P2RX3: variants seen among roughly 807,000 people sequenced by gnomAD.
The protein encoded by P2RX3 is purinergic receptor P2X 3, also known as P2X purinoceptor 3.
P2RX3 carries 41 observed loss-of-function variants against 51.5 expected under a neutral mutation model. That is an observed-to-expected ratio of 0.80 (90% CI 0.62 to 1.03). The LOEUF (loss-of-function observed/expected upper bound fraction) is 1.03. Among genes scored for constraint, P2RX3 ranks in the 50% least tolerant of loss-of-function variants. The pLI, the probability that P2RX3 is intolerant of heterozygous loss-of-function variation, is 0.00. For synonymous variants in P2RX3, 185 were observed against 191.6 expected (o/e 0.97, Z 0.29); for missense variants, 459 against 522.1 (o/e 0.88, Z 1.18).
At chr11:57,356,217 T>A (rs541827341) in intron 8 of P2RX3, among the ~76,000 whole-genome samples, 1 of 152,186 alleles carries the variant, frequency 6.6e-6, no homozygotes, top group African/African-American at 2.4e-5. Context: ...ACATCAGGAC[T>A]CAAACCCAGG....
At chr11:57,347,255 G>A in intron 3 of P2RX3, 68 bp downstream of exon 3, 1 of 1,557,270 alleles carries the variant, frequency 6.4e-7, no homozygotes, top group South Asian at 1.1e-5. Context: ...TGGGAGCAGT[G>A]GCAGGGAGGT....
intron 8 of P2RX3, among the ~76,000 whole-genome samples, chr11:57,356,305 T>G (rs1291323541): frequency 1.3e-5 from 2 of 152,080 alleles, no homozygotes; most frequent in African/African-American, 4.8e-5. Context: ...AAAAAATAGC[T>G]CTAAGAGATA....
chr11:57,339,443 C>G (rs1027049706), intron 1 of P2RX3, among the ~76,000 whole-genome samples: 20 of 152,214 alleles, frequency 1.3e-4, no homozygotes, highest in African/African-American at 4.6e-4. Context: ...TGCCATGTAA[C>G]CCATCCTAGG....
upstream of P2RX3, among the ~76,000 whole-genome samples, chr11:57,336,427 G>C (rs1856222867): frequency 8.5e-5 from 13 of 152,186 alleles, no homozygotes; most frequent in Admixed American, 8.5e-4. Flanking sequence ...CCTGGTGTCA[G>C]ATTCACCTTG....
Position 57,369,967 on chromosome 11 carries a change from C to T in P2RX3, c.1164C>T (p.Thr388=), listed in dbSNP as rs142475536. The T allele has an allele frequency of 1.9e-4, 312 of 1,613,906 alleles. 1 individual carries two copies. The Middle Eastern group carries it at 5.9e-3, about 31-fold the overall frequency. ...SDQTTAEKQS[T]DSGAFSIGH ...AGACCACAGCGGAGAAGCAGTCCAC[C>T]GATTCGGGGGCCTTCTCCATAGGCC... is the stretch of plus-strand genomic sequence containing the variant. The change falls in exon 12 of 12, where the codon ACC becomes ACT. Residue 388 remains threonine, a synonymous_variant. Transcript: ENST00000263314.
At chr11:57,348,428 A>T (rs1490668110) in intron 5 of P2RX3, 165 bp downstream of exon 5, 1 of 739,842 alleles carries the variant, frequency 1.4e-6, no homozygotes, top group Non-Finnish European at 2.2e-6. Context: ...CATCTTCCCC[A>T]GCCCACCCAC....
intron 8 of P2RX3, among the ~76,000 whole-genome samples, chr11:57,358,894 C>A (rs1175556078): frequency 6.6e-6 from 1 of 152,190 alleles, no homozygotes; most frequent in African/African-American, 2.4e-5. Context: ...CACTCACACA[C>A]ACACGCACTC....
chr11:57,349,414 C>T (rs1161925768), intron 6 of P2RX3, among the ~76,000 whole-genome samples: 3 of 151,608 alleles, frequency 2.0e-5, no homozygotes, highest in African/African-American at 7.3e-5. Flanking sequence ...TGCAGTGAGC[C>T]GAGATCATGC....
chr11:57,350,989 AC>A (rs3832768), intron 8 of P2RX3, 91 bp downstream of exon 8: 22 of 1,548,580 alleles, frequency 1.4e-5, no homozygotes, highest in South Asian at 1.1e-4. Flanking sequence ...ACATCCATCC[AC>A]CCACCCCTGG....
chr11:57,346,459 T>C (rs1856432972), intron 1 of P2RX3, 85 bp from the exon 2 acceptor site: 1 of 1,531,998 alleles, frequency 6.5e-7, no homozygotes, highest in Non-Finnish European at 8.9e-7. Context: ...GGCCAAGTGT[T>C]GGCAGGAAGG....
intron 1 of P2RX3, among the ~76,000 whole-genome samples, chr11:57,338,970 C>T (rs1299318047): frequency 1.3e-5 from 2 of 152,182 alleles, no homozygotes; most frequent in Admixed American, 1.3e-4. Context: ...GGCTCAGGAG[C>T]TCCATCTCCA....
upstream of P2RX3, among the ~76,000 whole-genome samples, chr11:57,336,478 G>A (rs1011260216): frequency 7.2e-5 from 11 of 152,200 alleles, no homozygotes; most frequent in African/African-American, 2.7e-4. Flanking sequence ...CTGTGGTTGC[G>A]GAAGCCAGGT....
In P2RX3 at chr11:57,346,644, GTCA is replaced by G. The variant is rs761026425; in HGVS notation, c.222_224del (p.Met75del). 6 of 1,614,170 alleles carry G rather than the reference GTCA, an allele frequency of 3.7e-6. No individual in the cohort carries two copies. The Admixed American group carries it at 1.0e-4, about 27-fold the overall frequency. On this transcript the variant is annotated inframe_deletion, in exon 2 of 12. Coordinates refer to ENST00000263314, the MANE Select transcript of P2RX3 (RefSeq NM_002559.5). The stretch of plus-strand genomic sequence containing the variant: ...GGGCTCCGGACTCTACGCCAACAGA[GTCA>G]TGGATGTGTCTGATTACGTGACGCC...
Position 57,370,715 on chromosome 11 carries a change from T to A in P2RX3, c.*718T>A, listed in dbSNP as rs1396822171. The A allele has an allele frequency of 6.6e-6, 1 of 152,256 alleles. No individual in the cohort carries two copies. The highest frequency in any genetic ancestry group is 2.4e-5 in the African/African-American group (1 of 41,458). 9.4% of individuals were successfully genotyped at this position (152,256 alleles called of 1,614,324 possible). On this transcript the variant is annotated 3_prime_UTR_variant, in exon 12 of 12. Transcript: ENST00000263314. ...TTTAGAAGGAAACAGAAGGCATGGC[T>A]GTCAGTGAATTTTTCCTCATCACTC...
chr11:57,342,282 C>G (rs978112125), intron 1 of P2RX3, among the ~76,000 whole-genome samples: 1 of 151,734 alleles, frequency 6.6e-6, no homozygotes, highest in Non-Finnish European at 1.5e-5. Flanking sequence ...GCCTCAGCCT[C>G]CCCGGTAGCT....
chr11:57,347,379 G>A, intron 3 of P2RX3, 36 bp from the exon 4 acceptor site: 1 of 1,553,050 alleles, frequency 6.4e-7, no homozygotes, highest in Non-Finnish European at 8.7e-7. Context: ...GGCCAGGACA[G>A]TGTCCTTCAC....
chr11:57,361,559 T>C (rs1166149306), intron 8 of P2RX3, among the ~76,000 whole-genome samples: 2 of 152,200 alleles, frequency 1.3e-5, no homozygotes, highest in African/African-American at 4.8e-5. Flanking sequence ...TTTTCTGTTC[T>C]TGTGTTAGTT....
At chr11:57,368,152 C>A in intron 9 of P2RX3, 50 bp downstream of exon 9, 1 of 1,566,760 alleles carries the variant, frequency 6.4e-7, no homozygotes, top group Non-Finnish European at 8.8e-7. Context: ...GCAGCCCAGA[C>A]CACCTCTCGG....
At chr11:57,352,447 T>A (rs189722819) in intron 8 of P2RX3, among the ~76,000 whole-genome samples, 30 of 152,336 alleles carry the variant, frequency 2.0e-4, no homozygotes, top group African/African-American at 7.2e-4. Flanking sequence ...AAAGGATATT[T>A]GTATGGTGGC....
Sources: allele counts gnomAD v4.1 joint callset (sites outside exome capture counted in the v4.1 genomes callset), GRCh38; gene constraint gnomAD v4.1.1; transcripts MANE v1.5; gene names NCBI Gene and HGNC (gene_info 2026-07-23, HGNC 2026-07-21).